The following ANO6 variants were observed in gnomAD, a reference collection of about 807,000 sequenced individuals.
ANO6 encodes anoctamin-6.
Under a neutral mutation model 117.5 loss-of-function variants are expected in ANO6, and 106 were observed. The ratio of observed to expected loss-of-function variants is 0.90; its 90% confidence interval spans 0.77 to 1.06. The LOEUF is 1.06. Ranked by LOEUF, ANO6 falls within the 50% of genes least tolerant of loss-of-function variation. The pLI, the probability that ANO6 is intolerant of heterozygous loss-of-function variation, is 0.00. For synonymous variants in ANO6, 367 were observed against 385.1 expected, an observed-to-expected ratio of 0.95 and a Z score of 0.55; for missense variants, 955 against 1,121.1, an observed-to-expected ratio of 0.85 and a Z score of 2.12.
chr12:45,341,892 G>A lies in ANO6; in HGVS notation c.280-5130G>A, dbSNP rs113519186. ...TAAGGGAAGTCGAGCATGTTAAAAG[G>A]CAGAGAGAAGGTAATGGTGATGGCT... On this transcript the variant is annotated intron_variant, in intron 3 of 19. Transcript: ENST00000320560. Among the ~76,000 whole-genome samples the A allele has an allele frequency of 6.2e-3, 946 of 152,170 alleles. 3 individuals carry two copies. The highest frequency in any genetic ancestry group is 0.024 in the Middle Eastern group (7 of 294).
intron 12 of ANO6, among the ~76,000 whole-genome samples, chr12:45,391,276 A>C (rs769774980): frequency 3.1e-4 from 47 of 152,242 alleles, no homozygotes; most frequent in Non-Finnish European, 5.7e-4. Flanking sequence ...GTAAAATATC[A>C]GTACTTACTA....
chr12:45,313,303 G>A (rs1194194969), intron 2 of ANO6: 2 of 152,010 alleles, frequency 1.3e-5, no homozygotes, highest in African/African-American at 2.4e-5. Flanking sequence ...GACCTCTGTG[G>A]ACAAGTCGCT....
intron 1 of ANO6, among the ~76,000 whole-genome samples, chr12:45,287,865 T>TA (rs1938967014): frequency 6.6e-6 from 1 of 152,212 alleles, no homozygotes; most frequent in Non-Finnish European, 1.5e-5. Context: ...GACATCCCAC[T>TA]ACTCCTTATC....
exon 20 of ANO6, chr12:45,440,240 T>C (rs1364196317): frequency 5.1e-6 from 1 of 194,584 alleles, no homozygotes; most frequent in Non-Finnish European, 1.0e-5. Context: ...TAATTTCTTT[T>C]TCTTTTTTCT....
chr12:45,334,876 C>T (rs1468618024), intron 3 of ANO6, among the ~76,000 whole-genome samples: 1 of 151,972 alleles, frequency 6.6e-6, no homozygotes, highest in Non-Finnish European at 1.5e-5. Flanking sequence ...GTAATTGCTG[C>T]TTTCTTCCAG....
chr12:45,310,771 G>A (rs558973196), intron 2 of ANO6, among the ~76,000 whole-genome samples: 1 of 152,106 alleles, frequency 6.6e-6, no homozygotes, highest in African/African-American at 2.4e-5. Flanking sequence ...GTGATACAGG[G>A]ACTGGGACAG....
At chr12:45,351,651 G>T (rs1941283581) in intron 7 of ANO6, among the ~76,000 whole-genome samples, 1 of 152,092 alleles carries the variant, frequency 6.6e-6, no homozygotes, top group South Asian at 2.1e-4. Flanking sequence ...AGTGCTTTGA[G>T]GACTTGGCAG....
intron 2 of ANO6, 95 bp from the exon 3 acceptor site, chr12:45,331,200 C>T: frequency 3.5e-6 from 4 of 1,146,730 alleles, no homozygotes; most frequent in Non-Finnish European, 5.0e-6. Context: ...ATTTCTCTTT[C>T]ACAATAAACC....
intron 2 of ANO6, among the ~76,000 whole-genome samples, chr12:45,303,758 C>G (rs1195634298): frequency 6.6e-6 from 1 of 152,182 alleles, no homozygotes; most frequent in African/African-American, 2.4e-5. Flanking sequence ...AGGGGTGGAA[C>G]TCCGGGCTCA....
At chr12:45,316,372 A>T (rs1453901064) in intron 2 of ANO6, among the ~76,000 whole-genome samples, 1 of 152,114 alleles carries the variant, frequency 6.6e-6, no homozygotes, top group Non-Finnish European at 1.5e-5. Context: ...GCATATAAGG[A>T]GTAAACCTCA....
intron 1 of ANO6, chr12:45,270,342 A>T: frequency 7.7e-7 from 1 of 1,296,534 alleles, no homozygotes; most frequent in Non-Finnish European, 9.8e-7. Context: ...AATGGCTTGT[A>T]CGAGGTCAGG....
chr12:45,268,709 C>G (rs1432634068), intron 1 of ANO6, among the ~76,000 whole-genome samples: 1 of 152,048 alleles, frequency 6.6e-6, no homozygotes, highest in East Asian at 1.9e-4. Context: ...TTCCTGTCCT[C>G]CAGTACCTGA....
chr12:45,347,086 CA>C lies in ANO6; in HGVS notation c.345del (p.Val116TyrfsTer9), dbSNP rs1941154435. The C allele has an allele frequency of 1.2e-6, 2 of 1,613,830 alleles. No individual in the cohort carries two copies. The highest frequency in any genetic ancestry group is 1.7e-5 in the Admixed American group (1 of 59,976). On this transcript the variant is annotated frameshift_variant and splice_region_variant, in exon 4 of 20. Coordinates refer to ENST00000320560, the MANE Select transcript of ANO6 (RefSeq NM_001025356.3). LOFTEE classifies it high-confidence loss of function. ...GGCCTGCAGTTAGAAGCAACAAGAT[CA>C]GTAAGTACTGGTCCCTTTTCAGCCC... is the stretch of plus-strand genomic sequence containing the variant. ...CHGLQLEATR[S>X]VLDDKLVFVK...
chr12:45,335,671 A>G (rs752118877), intron 3 of ANO6: 8 of 152,036 alleles, frequency 5.3e-5, no homozygotes, highest in Non-Finnish European at 1.2e-4. Flanking sequence ...AAAGTCCAAA[A>G]TTAGAAATAC....
intron 1 of ANO6, among the ~76,000 whole-genome samples, chr12:45,238,550 C>T (rs1300168652): frequency 6.6e-6 from 1 of 152,086 alleles, no homozygotes; most frequent in Non-Finnish European, 1.5e-5. Flanking sequence ...CTTTCTCTTG[C>T]CTGATTGCCA....
At chr12:45,389,895 T>TA (rs1165007071) in intron 11 of ANO6, among the ~76,000 whole-genome samples, 3 of 152,248 alleles carry the variant, frequency 2.0e-5, no homozygotes, top group African/African-American at 7.2e-5. Context: ...GCTCTTACAA[T>TA]ACAGGTAAAT....
At chr12:45,377,080 A>G (rs750319657) in intron 9 of ANO6, among the ~76,000 whole-genome samples, 2 of 151,930 alleles carry the variant, frequency 1.3e-5, no homozygotes, top group South Asian at 2.1e-4. Flanking sequence ...AACCCAAAAA[A>G]TCACCTAAAG....
chr12:45,375,976 C>G (rs1942002314), intron 9 of ANO6, among the ~76,000 whole-genome samples: 1 of 149,240 alleles, frequency 6.7e-6, no homozygotes, highest in African/African-American at 2.5e-5. Context: ...GGCTAATATC[C>G]AGAATCTACA....
At chr12:45,350,821 AC>A (rs753470770) in intron 7 of ANO6, 47 bp downstream of exon 7, 4 of 1,436,010 alleles carry the variant, frequency 2.8e-6, no homozygotes, top group Non-Finnish European at 3.9e-6. Context: ...TCAGGGTGTT[AC>A]CCCCACAGCA....
Sources: allele counts gnomAD v4.1 joint callset (sites outside exome capture counted in the v4.1 genomes callset), GRCh38; gene constraint gnomAD v4.1.1; transcripts MANE v1.5; gene names NCBI Gene and HGNC (gene_info 2026-07-23, HGNC 2026-07-21).